PSG2: variants seen among roughly 807,000 people sequenced by gnomAD.
PSG2 encodes the protein pregnancy specific beta-1-glycoprotein 2, also known as pregnancy-specific beta-1-glycoprotein 2.
Under a neutral mutation model 36.2 loss-of-function variants are expected in PSG2, and 49 were observed. The observed-to-expected ratio is 1.35, with a 90% CI of 1.08 to 1.72. The LOEUF (loss-of-function observed/expected upper bound fraction) is 1.72. Ranked by LOEUF, PSG2 falls within the 40% of genes most tolerant of loss-of-function variation. The probability of loss-of-function intolerance (pLI) is 0.00; values close to 1 mark genes in which losing one functional copy is unlikely to be tolerated. For synonymous variants in PSG2, 261 were observed against 155.6 expected (o/e 1.68, Z -5.04); for missense variants, 605 against 407.2 (o/e 1.49, Z -4.18).
intron 2 of PSG2, among the ~76,000 whole-genome samples, chr19:43,076,571 G>T (rs1967898829): frequency 6.6e-6 from 1 of 151,676 alleles, no homozygotes; most frequent in Admixed American, 6.6e-5. Context: ...ACTTTCATTA[G>T]ATATTCTACT....
At chr19:43,068,922 A>G (rs1967779145) in intron 4 of PSG2, among the ~76,000 whole-genome samples, 1 of 151,632 alleles carries the variant, frequency 6.6e-6, no homozygotes, top group African/African-American at 2.4e-5. Flanking sequence ...AAGGAGTAAA[A>G]TTATTTCTGT....
chr19:43,075,086 ACTGATCTGGAGC>A (rs1194842077), intron 3 of PSG2, among the ~76,000 whole-genome samples: 3 of 151,780 alleles, frequency 2.0e-5, no homozygotes, highest in African/African-American at 7.3e-5. Context: ...CGCTGTGTTC[ACTGATCTGGAGC>A]CTGAGACATT....
intron 3 of PSG2, among the ~76,000 whole-genome samples, chr19:43,073,597 G>C (rs1388855819): frequency 6.6e-6 from 1 of 151,694 alleles, no homozygotes; most frequent in Admixed American, 6.6e-5. Flanking sequence ...GATTCCCTGG[G>C]TTCGACTACT....
intron 1 of PSG2, among the ~76,000 whole-genome samples, chr19:43,081,544 T>G (rs1312028169): frequency 6.7e-6 from 1 of 149,586 alleles, no homozygotes; most frequent in African/African-American, 2.5e-5. Flanking sequence ...GGGGTCCGCA[T>G]GACCCCATCA....
Position 43,072,753 on chromosome 19 carries a change from G to A in PSG2, c.710-799C>T, listed in dbSNP as rs999135565. 257 of 1,503,622 alleles carry A rather than the reference G, an allele frequency of 1.7e-4. 2 individuals carry two copies. The highest frequency in any genetic ancestry group is 1.9e-4 in the Non-Finnish European group (208 of 1,116,684). The allele number at this position is 1,503,622 out of a possible 1,614,324, so 93.1% of individuals were successfully genotyped here. ...CCTGAGTCCTTGAAAGCCAATAACT[G>A]GTGTGTGTGTCACAAGACAGATGCA... is the stretch of plus-strand genomic sequence containing the variant. On this transcript the variant is annotated intron_variant, in intron 3 of 5. Transcript: ENST00000406487.
chr19:43,071,358 G>A (rs775225303), intron 4 of PSG2, among the ~76,000 whole-genome samples: 2 of 151,484 alleles, frequency 1.3e-5, no homozygotes, highest in African/African-American at 2.4e-5. Context: ...AAAAAAAGAC[G>A]TGGCAGAAGG....
intron 3 of PSG2, among the ~76,000 whole-genome samples, chr19:43,074,198 C>G (rs1200969953): frequency 1.3e-5 from 2 of 151,530 alleles, no homozygotes; most frequent in African/African-American, 2.4e-5. Context: ...CCTGTCAGGT[C>G]AGATTTAGGA....
At chr19:43,070,673 G>C (rs1967802680) in intron 4 of PSG2, among the ~76,000 whole-genome samples, 1 of 151,600 alleles carries the variant, frequency 6.6e-6, no homozygotes, top group South Asian at 2.1e-4. Flanking sequence ...AAATTAGAAT[G>C]GTGGGTGCTA....
intron 5 of PSG2, among the ~76,000 whole-genome samples, chr19:43,066,158 G>A (rs1967736674): frequency 6.6e-6 from 1 of 151,734 alleles, no homozygotes; most frequent in South Asian, 2.1e-4. Flanking sequence ...AAAGTCTGGA[G>A]ACAAGAAGTC....
intron 3 of PSG2, among the ~76,000 whole-genome samples, chr19:43,073,092 T>C (rs910360570): frequency 1.3e-5 from 2 of 151,766 alleles, no homozygotes; most frequent in Non-Finnish European, 2.9e-5. Flanking sequence ...CTTCCCATTG[T>C]CCTGAAACCC....
chr19:43,066,742 G>T, intron 4 of PSG2, 142 bp from the exon 5 acceptor site: 1 of 1,346,432 alleles, frequency 7.4e-7, no homozygotes, highest in Non-Finnish European at 1.0e-6. Flanking sequence ...ATTGATGGGA[G>T]ATGATTATAT....
Position 43,069,956 on chromosome 19 carries a change from C to G in PSG2, c.964+1744G>C, listed in dbSNP as rs1428349538. Among the ~76,000 whole-genome samples the G allele has an allele frequency of 1.7e-4, 26 of 151,582 alleles. 2 individuals are homozygous for G. Among genetic ancestry groups the G allele is most frequent in the Admixed American group, 1.7e-3 (26 of 15,228 alleles). On this transcript the variant is annotated intron_variant, in intron 4 of 5. Transcript: ENST00000406487. ...TATATGTGTGATAAGAAATTAATTT[C>G]CAGAATACATGAAAAGCTACAAGTC... is the stretch of plus-strand genomic sequence containing the variant.
intron 4 of PSG2, among the ~76,000 whole-genome samples, chr19:43,070,316 A>G (rs1294160936): frequency 4.0e-5 from 6 of 151,672 alleles, no homozygotes; most frequent in Non-Finnish European, 8.8e-5. Context: ...TAAACAATAA[A>G]TTACCGTTTG....
chr19:43,081,360 C>T (rs1370622133), intron 1 of PSG2, 114 bp from the exon 2 acceptor site: 5 of 999,832 alleles, frequency 5.0e-6, no homozygotes, highest in Non-Finnish European at 6.5e-6. Flanking sequence ...GACACACACA[C>T]ACACACACAC....
rs569873151 is a variant in PSG2 at position 43,079,867 on chromosome 19, G to T, written c.430+1014C>A. 3.0e-4 allele frequency among the ~76,000 whole-genome samples: 46 copies of T among 151,692 alleles called. 1 individual carries two copies. The highest frequency in any genetic ancestry group is 1.1e-3 in the African/African-American group (46 of 41,112). On this transcript the variant is annotated intron_variant, in intron 2 of 5. Transcript: ENST00000406487. ...CTCACTTCTGGTGGAGGAGAGGAAG[G>T]GCCTGTGGCTGCAGGCAGACCTCAT... is the stretch of plus-strand genomic sequence containing the variant.
intron 3 of PSG2, chr19:43,072,269 G>C: frequency 6.3e-7 from 1 of 1,575,442 alleles, no homozygotes; most frequent in Non-Finnish European, 8.6e-7. Flanking sequence ...TCTATACTTG[G>C]ACCGGAGAGA....
intron 2 of PSG2, 55 bp downstream of exon 2, chr19:43,080,826 G>T: frequency 6.2e-7 from 1 of 1,612,106 alleles, no homozygotes; most frequent in Non-Finnish European, 8.5e-7. Flanking sequence ...CTGTGTGTGT[G>T]AAGTAGAAAT....
chr19:43,071,542 T>C (rs561062817), intron 4 of PSG2, among the ~76,000 whole-genome samples, 158 bp downstream of exon 4: 6 of 151,488 alleles, frequency 4.0e-5, no homozygotes, highest in South Asian at 2.1e-4. Context: ...AGAAGAGAGT[T>C]TGTAGAGACA....
intron 4 of PSG2, among the ~76,000 whole-genome samples, chr19:43,068,066 A>G (rs1967765313): frequency 6.6e-6 from 1 of 151,526 alleles, no homozygotes; most frequent in Non-Finnish European, 1.5e-5. Context: ...TCTTCAAAAT[A>G]AAATCAACAA....
Sources: allele counts gnomAD v4.1 joint callset (sites outside exome capture counted in the v4.1 genomes callset), GRCh38; gene constraint gnomAD v4.1.1; transcripts MANE v1.5; gene names NCBI Gene and HGNC (gene_info 2026-07-23, HGNC 2026-07-21).